Variants in GON4L observed in about 807,000 individuals in gnomAD.
GON4L encodes gon-4 like.
GON4L carries 87 observed loss-of-function variants against 211.8 expected under a neutral mutation model. The ratio of observed to expected loss-of-function variants is 0.41; its 90% CI spans 0.35 to 0.49. The LOEUF (loss-of-function observed/expected upper bound fraction) is 0.49. Ranked by LOEUF, GON4L falls within the 20% of genes least tolerant of loss-of-function variation. The probability of loss-of-function intolerance (pLI) is 0.15; values close to 1 mark genes in which losing one functional copy is unlikely to be tolerated. For synonymous variants in GON4L, 875 were observed against 962.6 expected (o/e 0.91, Z 1.68); for missense variants, 2,155 against 2,659.5 (o/e 0.81, Z 4.17).
At chr1:155,767,623 G>T in intron 19 of GON4L, 82 bp from the exon 20 acceptor site, 9 of 1,502,318 alleles carry the variant, frequency 6.0e-6, no homozygotes, top group Non-Finnish European at 7.3e-6. Context: ...GGGTGGTGGT[G>T]GATCAAGAGA....
chr1:155,783,248 T>TAGAC (rs1664601281), intron 14 of GON4L, among the ~76,000 whole-genome samples: 1 of 152,218 alleles, frequency 6.6e-6, no homozygotes, highest in African/African-American at 2.4e-5. Context: ...TTGAAAAATC[T>TAGAC]CTAAAGGTCT....
chr1:155,746,926 A>G (rs1209427307), downstream of GON4L: 16 of 1,600,804 alleles, frequency 1.0e-5, no homozygotes, highest in South Asian at 1.7e-4. Context: ...GAGGGTCTCC[A>G]TAGGGGCAGG....
chr1:155,757,279 C>T lies in GON4L; in HGVS notation c.5298G>A (p.Leu1766=). The T allele has an allele frequency of 6.2e-7, 1 of 1,613,916 alleles. No homozygotes were observed. The highest frequency in any genetic ancestry group is 8.5e-7 in the Non-Finnish European group (1 of 1,179,860). ...CAAAGAAGATAGAAAACTCATCCTGCAGGTGGTCGTGGCCCTTGAGGAGCT... is the reference window on the plus strand; with the variant it reads ...CAAAGAAGATAGAAAACTCATCCTGTAGGTGGTCGTGGCCCTTGAGGAGCT... The part of the protein sequence containing the change: ...MWQLLKGHDH[L]QDEFSIFFDH... The change falls in exon 26 of 32, where the codon CTG becomes CTA. Residue 1766 remains leucine, a synonymous_variant. Transcript: ENST00000368331.
At chr1:155,808,784 T>G (rs191884087) in intron 10 of GON4L, among the ~76,000 whole-genome samples, 26 of 151,698 alleles carry the variant, frequency 1.7e-4, no homozygotes, top group Non-Finnish European at 3.5e-4. Flanking sequence ...AAGTTTTGTG[T>G]TTTTTTTGGT....
chr1:155,771,257 C>T (rs1392810942), intron 18 of GON4L, 40 bp from the exon 19 acceptor site: 1 of 1,612,416 alleles, frequency 6.2e-7, no homozygotes, highest in South Asian at 1.1e-5. Context: ...CTTCACAGTC[C>T]TTCCTTCTAA....
intron 23 of GON4L, among the ~76,000 whole-genome samples, chr1:155,761,786 C>T (rs1484591109): frequency 3.9e-5 from 6 of 152,106 alleles, no homozygotes; most frequent in Non-Finnish European, 7.4e-5. Context: ...TCAGCCACCA[C>T]GCCCAGCTGG....
chr1:155,845,591 T>C (rs1211936288), intron 2 of GON4L: 1 of 309,100 alleles, frequency 3.2e-6, no homozygotes, highest in Admixed American at 3.5e-5. Flanking sequence ...CCACGATTAT[T>C]TGAAAAACAC....
At chr1:155,747,029 A>G, downstream of GON4L, 7 of 1,603,190 alleles carry the variant, frequency 4.4e-6, no homozygotes, top group Admixed American at 1.7e-5. Context: ...GTGAACAGAA[A>G]GGAGGCTATG....
chr1:155,774,975 C>G (rs1417637403), intron 17 of GON4L, 27 bp downstream of exon 17: 7 of 1,605,582 alleles, frequency 4.4e-6, no homozygotes, highest in Non-Finnish European at 6.0e-6. Flanking sequence ...CAAGTAAAAA[C>G]TTAAAGCTGA....
downstream of GON4L, chr1:155,745,980 T>C: frequency 1.3e-6 from 1 of 777,240 alleles, no homozygotes; most frequent in Non-Finnish European, 2.0e-6. Flanking sequence ...TCAGCCGGCC[T>C]GCCTCGTCCT....
At chr1:155,837,614 A>ATCTC (rs147315633) in intron 2 of GON4L, among the ~76,000 whole-genome samples, 1 of 147,872 alleles carries the variant, frequency 6.8e-6, no homozygotes, top group African/African-American at 2.5e-5. Context: ...GGCTTGCTGT[A>ATCTC]TCTCTCTCTC....
chr1:155,763,287 T>G, intron 22 of GON4L, 25 bp downstream of exon 22: 2 of 1,610,706 alleles, frequency 1.2e-6, no homozygotes, highest in African/African-American at 2.7e-5. Flanking sequence ...AGAATGGTCC[T>G]TCAGTATAGG....
intron 2 of GON4L, among the ~76,000 whole-genome samples, chr1:155,835,373 T>C (rs1208432484): frequency 1.3e-5 from 2 of 151,978 alleles, no homozygotes; most frequent in Non-Finnish European, 2.9e-5. Context: ...GAGACCTTTG[T>C]TCACTTGTTT....
At chr1:155,820,258 A>G (rs1278951591) in intron 6 of GON4L, among the ~76,000 whole-genome samples, 1 of 152,228 alleles carries the variant, frequency 6.6e-6, no homozygotes, top group East Asian at 1.9e-4. Context: ...ATCCCACACC[A>G]AAGTGATTTT....
At chr1:155,798,193 C>T (rs1020110296) in intron 11 of GON4L, among the ~76,000 whole-genome samples, 14 of 150,108 alleles carry the variant, frequency 9.3e-5, no homozygotes, top group Non-Finnish European at 1.8e-4. Context: ...TGATTAAACC[C>T]TAATCTAACT....
chr1:155,790,268 T>C (rs1557865389), intron 12 of GON4L, among the ~76,000 whole-genome samples: 1 of 151,444 alleles, frequency 6.6e-6, no homozygotes, highest in Non-Finnish European at 1.5e-5. Context: ...CCCGGCTAAT[T>C]TTTGTATTTA....
At chr1:155,839,617 C>T (rs1670603354) in intron 2 of GON4L, among the ~76,000 whole-genome samples, 1 of 145,598 alleles carries the variant, frequency 6.9e-6, no homozygotes. Flanking sequence ...CACCACTGCA[C>T]ACCAGTCTGG....
chr1:155,789,967 C>G (rs776335759), intron 12 of GON4L, among the ~76,000 whole-genome samples: 2 of 152,022 alleles, frequency 1.3e-5, no homozygotes, highest in African/African-American at 4.8e-5. Flanking sequence ...AGCTCTCACT[C>G]TGTCACCCAG....
At chr1:155,814,827 G>A (rs1016265992) in intron 8 of GON4L, among the ~76,000 whole-genome samples, 1 of 152,072 alleles carries the variant, frequency 6.6e-6, no homozygotes, top group African/African-American at 2.4e-5. Flanking sequence ...GAAACTTAAA[G>A]GCCAGGTGCA....
Sources: gnomAD v4.1 joint callset for allele counts (sites outside exome capture counted in the v4.1 genomes callset) on GRCh38, gnomAD v4.1.1 for gene constraint, MANE v1.5 for transcripts, NCBI Gene and HGNC (gene_info 2026-07-23, HGNC 2026-07-21) for gene names.